Variants in XDH observed in about 807,000 individuals in gnomAD.
The protein encoded by XDH is xanthine dehydrogenase, also known as xanthine dehydrogenase/oxidase.
XDH carries 138 observed loss-of-function variants against 156.1 expected under a neutral mutation model. The observed-to-expected ratio is 0.88, with a 90% CI of 0.77 to 1.02. XDH has a LOEUF of 1.02. Among genes scored for constraint, XDH ranks in the 50% least tolerant of loss-of-function variants. XDH has a pLI of 0.00. For missense variants in XDH, 1,849 were observed against 1,684.9 expected, an observed-to-expected ratio of 1.10 and a Z score of -1.71; for synonymous variants, 669 against 625.7, an observed-to-expected ratio of 1.07 and a Z score of -1.03.
chr2:31,373,532 GGTTTGTTTGTTT>G (rs71405565), intron 16 of XDH, among the ~76,000 whole-genome samples: 113 of 149,898 alleles, frequency 7.5e-4, no homozygotes, highest in East Asian at 4.4e-3. Flanking sequence ...GCAGATAGAT[GGTTTGTTTGTTT>G]GTTTGTTTGT....
intron 22 of XDH, 148 bp from the exon 23 acceptor site, chr2:31,365,692 G>A: frequency 9.6e-7 from 1 of 1,040,754 alleles, no homozygotes; most frequent in African/African-American, 1.6e-5. Context: ...TCTAGGCACT[G>A]TGATAGACAA....
rs747474813 is a variant in XDH at position 31,339,573 on chromosome 2, G to A, written c.3690C>T (p.Ile1230=). The A allele has an allele frequency of 3.1e-6, 5 of 1,614,100 alleles. No individual in the cohort carries two copies. In the African/African-American group the frequency reaches 6.7e-5, roughly 22 times the overall value. The change falls in exon 34 of 36, where the codon ATC becomes ATT. Residue 1230 remains isoleucine, a synonymous_variant. Coordinates refer to ENST00000379416, the MANE Select transcript of XDH (RefSeq NM_000379.4). The part of the protein sequence containing the change: ...LHTRGPSTYK[I]PAFGSIPIEF... Reference sequence around the variant, plus strand: ...CAATGGGGATGCTGCCAAATGCCGGGATCTTGTAGGTGCTAGGGCCACGGG... The same window carrying A: ...CAATGGGGATGCTGCCAAATGCCGGAATCTTGTAGGTGCTAGGGCCACGGG...
intron 1 of XDH, among the ~76,000 whole-genome samples, chr2:31,411,871 C>T: frequency 6.6e-6 from 1 of 152,118 alleles, no homozygotes; most frequent in East Asian, 1.9e-4. Context: ...GATCTTATTC[C>T]CCCAGTGCAT....
At chr2:31,344,436 C>T (rs1187503988) in intron 31 of XDH, among the ~76,000 whole-genome samples, 11 of 152,208 alleles carry the variant, frequency 7.2e-5, no homozygotes, top group Non-Finnish European at 1.5e-5. Context: ...TGAAATTGTG[C>T]ACCCTGAGAC....
At chr2:31,368,138 C>G in intron 19 of XDH, 81 bp from the exon 20 acceptor site, 2 of 1,287,764 alleles carry the variant, frequency 1.6e-6, no homozygotes, top group Admixed American at 3.4e-5. Context: ...AAGAGAAGCT[C>G]TCTGAATTGT....
intron 13 of XDH, among the ~76,000 whole-genome samples, 193 bp downstream of exon 13, chr2:31,379,674 T>C (rs532454909): frequency 6.6e-6 from 1 of 152,328 alleles, no homozygotes; most frequent in East Asian, 1.9e-4. Flanking sequence ...TGTGGACTCC[T>C]ATCCTGCAAC....
intron 13 of XDH, among the ~76,000 whole-genome samples, chr2:31,378,162 GGAAGGAAGGAAGGAAGCA>G (rs1686323120): frequency 8.9e-6 from 1 of 112,206 alleles, no homozygotes; most frequent in Non-Finnish European, 1.9e-5. Context: ...AAGGAAGGAA[GGAAGGAAGGAAGGAAGCA>G]AGCAAGCAAG....
chr2:31,338,476 GGTAAAGTATGACA>G (rs1473044570), intron 34 of XDH, among the ~76,000 whole-genome samples: 3 of 152,046 alleles, frequency 2.0e-5, no homozygotes, highest in Non-Finnish European at 4.4e-5. Context: ...TCCCAAGCAT[GGTAAAGTATGACA>G]GTCAATGGCA....
rs540635340 is a variant in XDH, at chr2:31,409,887, T to C, written c.43-3923A>G. Among the ~76,000 whole-genome samples, 127 of 152,350 alleles carry C rather than the reference T, an allele frequency of 8.3e-4. 1 individual carries two copies. The highest frequency in any genetic ancestry group is 3.0e-3 in the African/African-American group (123 of 41,594). On this transcript the variant is annotated intron_variant, in intron 1 of 35. Coordinates refer to ENST00000379416, the MANE Select transcript of XDH (RefSeq NM_000379.4). ...GCATATGATCCAGCAATTCCACTTCTGGATTTATACCCAAAATAATTGAAG... is the reference window on the plus strand; with the variant it reads ...GCATATGATCCAGCAATTCCACTTCCGGATTTATACCCAAAATAATTGAAG...
Position 31,383,858 on chromosome 2 carries a change from A to T in XDH, c.794-11T>A. 6.2e-7 allele frequency: 1 copy of T among 1,612,990 alleles called. No individual in the cohort carries two copies. The highest frequency in any genetic ancestry group is 8.5e-7 in the Non-Finnish European group (1 of 1,179,464). The stretch of plus-strand genomic sequence containing the variant: ...ACTTCATCTCAATGCCTAGAGAGAA[A>T]CAAGAAGCTGAAGTTGTAGGCCCAT... On this transcript the variant is annotated splice_polypyrimidine_tract_variant and intron_variant, in intron 9 of 35. Transcript: ENST00000379416.
intron 24 of XDH, among the ~76,000 whole-genome samples, chr2:31,355,317 A>G (rs1471447603): frequency 6.6e-6 from 1 of 152,146 alleles, no homozygotes; most frequent in African/African-American, 2.4e-5. Context: ...TAAAAGAAGG[A>G]AGCTTGGAAA....
intron 32 of XDH, 28 bp from the exon 33 acceptor site, chr2:31,341,422 G>A: frequency 6.4e-7 from 1 of 1,556,420 alleles, no homozygotes; most frequent in South Asian, 1.2e-5. Flanking sequence ...ATTACAAGAA[G>A]TTAGAGGAGG....
chr2:31,347,767 T>C (rs1316734350), intron 28 of XDH, 117 bp from the exon 29 acceptor site: 2 of 1,319,106 alleles, frequency 1.5e-6, no homozygotes, highest in African/African-American at 2.9e-5. Flanking sequence ...TTTCGTAAAC[T>C]CTAATCTCAT....
At chr2:31,359,643 A>C (rs1331214653) in intron 24 of XDH, among the ~76,000 whole-genome samples, 2 of 152,222 alleles carry the variant, frequency 1.3e-5, no homozygotes, top group Non-Finnish European at 2.9e-5. Flanking sequence ...TTTTATTCTT[A>C]GATTCACAAT....
Position 31,342,428 on chromosome 2 carries a change from T to C in XDH, c.3405-131A>G, listed in dbSNP as rs907524657. The C allele has an allele frequency of 7.6e-6, 6 of 788,968 alleles. No individual in the cohort carries two copies. The Admixed American group carries it at 1.3e-4, about 17-fold the overall frequency. The allele number at this position is 788,968 out of a possible 1,614,324, so 48.9% of individuals were successfully genotyped here. On this transcript the variant is annotated intron_variant, in intron 31 of 35. Coordinates refer to ENST00000379416, the MANE Select transcript of XDH (RefSeq NM_000379.4). ...TGCATTCAGCTGTTCTCCAAAAAAG[T>C]CCATGGTTTGAACAATTTGAACCTG... is the stretch of plus-strand genomic sequence containing the variant.
chr2:31,406,260 T>TTC (rs372428209), intron 1 of XDH, among the ~76,000 whole-genome samples: 14 of 151,716 alleles, frequency 9.2e-5, no homozygotes, highest in South Asian at 2.1e-4. Flanking sequence ...CATCACCCCC[T>TTC]TCTCTCTCTC....
intron 26 of XDH, 90 bp downstream of exon 26, chr2:31,349,596 T>C: frequency 1.3e-6 from 2 of 1,540,844 alleles, no homozygotes. Flanking sequence ...AGTTATCCAT[T>C]GAATTATTAG....
intron 27 of XDH, 60 bp from the exon 28 acceptor site, chr2:31,348,423 G>A (rs1685362871): frequency 1.3e-6 from 2 of 1,530,672 alleles, no homozygotes; most frequent in Admixed American, 1.8e-5. Context: ...ATTAAGGTTT[G>A]GGACCAAAGG....
intron 4 of XDH, among the ~76,000 whole-genome samples, chr2:31,400,371 T>A (rs2749994): frequency 6.6e-6 from 1 of 151,334 alleles, no homozygotes; most frequent in Non-Finnish European, 1.5e-5. Flanking sequence ...CCTGAGTATC[T>A]GGGACTACAG....
Sources: gnomAD v4.1 joint callset for allele counts (sites outside exome capture counted in the v4.1 genomes callset) on GRCh38, gnomAD v4.1.1 for gene constraint, MANE v1.5 for transcripts, NCBI Gene and HGNC (gene_info 2026-07-23, HGNC 2026-07-21) for gene names.